PTK2: variants seen among roughly 807,000 people sequenced by gnomAD.
PTK2 encodes protein tyrosine kinase 2, also known as focal adhesion kinase 1.
A neutral mutation model predicts 150.1 loss-of-function variants in PTK2; 45 were observed. The ratio of observed to expected loss-of-function variants is 0.30; its 90% CI spans 0.24 to 0.38. The LOEUF (loss-of-function observed/expected upper bound fraction) is 0.38. Ranked by LOEUF, PTK2 falls within the 10% of genes least tolerant of loss-of-function variation. The probability of loss-of-function intolerance (pLI) is 1.00; values close to 1 mark genes in which losing one functional copy is unlikely to be tolerated. For synonymous variants in PTK2, 432 were observed against 449.2 expected (o/e 0.96, Z 0.48); for missense variants, 919 against 1,307.3 (o/e 0.70, Z 4.58).
chr8:140,728,030 T>C (rs1403584544), intron 22 of PTK2, among the ~76,000 whole-genome samples: 3 of 152,000 alleles, frequency 2.0e-5, no homozygotes, highest in Non-Finnish European at 4.4e-5. Context: ...ACCCTGTCTC[T>C]ACTAAAAATA....
At chr8:140,839,433 GTTA>G (rs2100120937) in intron 7 of PTK2, among the ~76,000 whole-genome samples, 1 of 152,160 alleles carries the variant, frequency 6.6e-6, no homozygotes, top group African/African-American at 2.4e-5. Flanking sequence ...GTACCTCAAG[GTTA>G]TTGTCAAATA....
intron 14 of PTK2, among the ~76,000 whole-genome samples, chr8:140,778,860 A>G (rs1031168247): frequency 6.6e-6 from 1 of 152,208 alleles, no homozygotes; most frequent in African/African-American, 2.4e-5. Flanking sequence ...TGGCAGTCAG[A>G]GAGGGTTTTC....
rs538437984 is a variant in PTK2 at position 140,719,296 on chromosome 8, A to G, written c.2031-1587T>C. On this transcript the variant is annotated intron_variant, in intron 22 of 31. Coordinates refer to ENST00000522684, the Ensembl canonical transcript of PTK2. ...TGCTCCAGTTAGATGATCATGGCTGAGCAAACACCACAAAACTCTTCACAG... is the reference window on the plus strand; with the variant it reads ...TGCTCCAGTTAGATGATCATGGCTGGGCAAACACCACAAAACTCTTCACAG... Among the ~76,000 whole-genome samples, 4 of 152,314 alleles carry G rather than the reference A, an allele frequency of 2.6e-5. No homozygotes were observed. The South Asian group carries it at 8.3e-4, about 32-fold the overall frequency.
intron 14 of PTK2, among the ~76,000 whole-genome samples, chr8:140,782,149 G>A (rs2100082053): frequency 6.6e-6 from 1 of 151,106 alleles, no homozygotes; most frequent in East Asian, 2.0e-4. Context: ...CTACTACTTT[G>A]TGCACATAAA....
At chr8:140,987,729 G>A (rs2100193854) in intron 1 of PTK2, among the ~76,000 whole-genome samples, 2 of 152,140 alleles carry the variant, frequency 1.3e-5, no homozygotes, top group Non-Finnish European at 2.9e-5. Context: ...TACAAATCTA[G>A]AAGATAGTTT....
At chr8:140,767,661 C>A (rs1267059170) in intron 14 of PTK2, among the ~76,000 whole-genome samples, 1 of 151,932 alleles carries the variant, frequency 6.6e-6, no homozygotes, top group Non-Finnish European at 1.5e-5. Context: ...ATTTCTTGTA[C>A]CTTTTGTAGA....
At chr8:140,980,773 C>CA (rs926983421) in intron 1 of PTK2, among the ~76,000 whole-genome samples, 1 of 135,270 alleles carries the variant, frequency 7.4e-6, no homozygotes, top group Non-Finnish European at 1.6e-5. Context: ...TTTTTTGAGA[C>CA]AGAGTCTCAC....
intron 1 of PTK2, among the ~76,000 whole-genome samples, chr8:140,977,707 TAATA>T (rs1030808668): frequency 4.0e-5 from 6 of 151,426 alleles, no homozygotes; most frequent in African/African-American, 1.5e-4. Flanking sequence ...AAAATAATAA[TAATA>T]AATGCTTTAT....
At chr8:140,751,885 T>C (rs1298981369) in intron 17 of PTK2, 1 of 528,364 alleles carries the variant, frequency 1.9e-6, no homozygotes, top group Non-Finnish European at 3.8e-6. Flanking sequence ...GGGCAGGGAC[T>C]GTGTGTGTCA....
At chr8:140,892,671 A>G in intron 2 of PTK2, 3 of 407,990 alleles carry the variant, frequency 7.4e-6, no homozygotes, top group East Asian at 7.3e-5. Flanking sequence ...CAGTAAAAGG[A>G]AAAAAATTAT....
chr8:140,715,557 G>C (rs918799565), intron 23 of PTK2, among the ~76,000 whole-genome samples: 11 of 152,076 alleles, frequency 7.2e-5, no homozygotes, highest in African/African-American at 2.4e-4. Flanking sequence ...AGGCTATACT[G>C]TCTCTGCCAC....
intron 7 of PTK2, among the ~76,000 whole-genome samples, chr8:140,842,430 A>ACATTTATTC (rs1449368453): frequency 6.6e-6 from 1 of 152,054 alleles, no homozygotes; most frequent in Non-Finnish European, 1.5e-5. Context: ...ATTATAGTCC[A>ACATTTATTC]CATTTATTCA....
At chr8:140,700,945 C>G in exon 26 of PTK2, 1 of 1,613,946 alleles carries the variant, frequency 6.2e-7, no homozygotes, top group Non-Finnish European at 8.5e-7. Context: ...TTTCCTGTTG[C>G]TGTCGGATTA....
chr8:140,921,087 T>C lies in PTK2; in HGVS notation c.-33+4574A>G, dbSNP rs2100167226. ...TCCTTCTGTAATATTTTCCAGCAGC[T>C]TGAAGAATGCCTCTCAGTTACAGAA... On this transcript the variant is annotated intron_variant, in intron 2 of 31. Transcript: ENST00000522684. 7.6e-6 allele frequency: 10 copies of C among 1,311,324 alleles called. No homozygotes were observed. In the South Asian group the frequency reaches 9.2e-5, roughly 12 times the overall value. The allele number at this position is 1,311,324 out of a possible 1,614,324, so 81.2% of individuals were successfully genotyped here. A position where few individuals can be genotyped will look rare whatever the true frequency, so the allele number is the denominator to read the frequency against.
intron 17 of PTK2, chr8:140,750,336 A>G (rs2100061943): frequency 6.6e-6 from 1 of 152,240 alleles, no homozygotes; most frequent in Non-Finnish European, 1.5e-5. Flanking sequence ...CTAGGTGTCA[A>G]GTACTGTGCA....
intron 10 of PTK2, among the ~76,000 whole-genome samples, chr8:140,812,883 CA>C (rs1352059520): frequency 6.6e-6 from 1 of 152,022 alleles, no homozygotes; most frequent in Non-Finnish European, 1.5e-5. Flanking sequence ...ATTAATAAGC[CA>C]GATTCTTAGA....
chr8:140,874,447 G>T (rs913198926), intron 4 of PTK2, among the ~76,000 whole-genome samples: 7 of 152,154 alleles, frequency 4.6e-5, no homozygotes, highest in Admixed American at 6.5e-5. Context: ...AACTGCAGCT[G>T]CCCTCACATA....
intron 5 of PTK2, among the ~76,000 whole-genome samples, chr8:140,848,033 T>A (rs977415666): frequency 6.6e-6 from 1 of 152,198 alleles, no homozygotes; most frequent in Non-Finnish European, 1.5e-5. Context: ...ATCCTCTTCA[T>A]GTTTAGATGA....
chr8:140,913,999 A>C (rs1052203609), intron 2 of PTK2, among the ~76,000 whole-genome samples: 8 of 152,304 alleles, frequency 5.3e-5, no homozygotes, highest in Admixed American at 3.3e-4. Flanking sequence ...CAAAGAAAAA[A>C]TTTACTAATC....
Sources: allele counts gnomAD v4.1 joint callset (sites outside exome capture counted in the v4.1 genomes callset), GRCh38; gene constraint gnomAD v4.1.1; transcripts MANE v1.5; gene names NCBI Gene and HGNC (gene_info 2026-07-23, HGNC 2026-07-21).